The following SYN3 variants were observed in gnomAD, a reference collection of about 807,000 sequenced individuals.
The protein encoded by SYN3 is synapsin III.
Under a neutral mutation model 65.8 loss-of-function variants are expected in SYN3, and 35 were observed. That is an observed-to-expected ratio of 0.53 (90% CI 0.41 to 0.70). The LOEUF (loss-of-function observed/expected upper bound fraction) is 0.70, where lower values mean the gene tolerates loss of function less well. Among genes scored for constraint, SYN3 ranks in the 30% least tolerant of loss-of-function variants. The pLI is 0.00. For synonymous variants in SYN3, 270 were observed against 292.9 expected (o/e 0.92, Z 0.80); for missense variants, 680 against 749.0 (o/e 0.91, Z 1.08).
intron 6 of SYN3, among the ~76,000 whole-genome samples, chr22:32,652,394 GA>G (rs1158520493): frequency 3.4e-4 from 49 of 143,326 alleles, no homozygotes; most frequent in Non-Finnish European, 6.1e-4. Context: ...TTTTTTTTTG[GA>G]AAAAAAAAAG....
At chr22:32,559,393 A>G (rs1182705391) in intron 7 of SYN3, among the ~76,000 whole-genome samples, 1 of 152,220 alleles carries the variant, frequency 6.6e-6, no homozygotes, top group African/African-American at 2.4e-5. Flanking sequence ...TCAGGCAGAC[A>G]TGAGGAGGGC....
intron 6 of SYN3, among the ~76,000 whole-genome samples, chr22:32,856,166 C>G (rs1396573246): frequency 6.6e-6 from 1 of 152,162 alleles, no homozygotes; most frequent in Non-Finnish European, 1.5e-5. Flanking sequence ...ACAGAGATAT[C>G]ATGAGAATGC....
At chr22:32,678,545 T>C (rs903535720) in intron 6 of SYN3, among the ~76,000 whole-genome samples, 48 of 151,626 alleles carry the variant, frequency 3.2e-4, no homozygotes, top group Non-Finnish European at 7.4e-5. Context: ...CTCCTCCTCC[T>C]CCTCCTTCAT....
At chr22:32,604,869 G>T (rs1448297170) in intron 6 of SYN3, among the ~76,000 whole-genome samples, 1 of 151,976 alleles carries the variant, frequency 6.6e-6, no homozygotes, top group East Asian at 1.9e-4. Context: ...AGCCGGGCGT[G>T]GTGGCGGGTG....
intron 6 of SYN3, among the ~76,000 whole-genome samples, chr22:32,795,772 T>C (rs2046414995): frequency 6.6e-6 from 1 of 152,030 alleles, no homozygotes; most frequent in Non-Finnish European, 1.5e-5. Context: ...GAAAGCAGAA[T>C]CCCAGAGAGA....
At chr22:33,048,292 A>G (rs5754395) in intron 1 of SYN3, among the ~76,000 whole-genome samples, 131,463 of 152,174 alleles carry the variant, frequency 0.86, 57,183 homozygotes, top group African/African-American at 0.96. Flanking sequence ...ACGTGATATA[A>G]TTTGGATGTT....
chr22:33,001,676 T>C (rs1418323994), intron 2 of SYN3, among the ~76,000 whole-genome samples: 1 of 152,234 alleles, frequency 6.6e-6, no homozygotes, highest in African/African-American at 2.4e-5. Flanking sequence ...ACTTACTGTC[T>C]ACCAGGCACA....
chr22:32,566,567 G>A (rs1047681287), intron 7 of SYN3, among the ~76,000 whole-genome samples: 10 of 152,170 alleles, frequency 6.6e-5, no homozygotes, highest in African/African-American at 9.7e-5. Flanking sequence ...GACACAACCC[G>A]GAGGAGAGCA....
intron 6 of SYN3, among the ~76,000 whole-genome samples, chr22:32,756,873 T>C (rs1246728275): frequency 2.6e-5 from 4 of 152,182 alleles, no homozygotes; most frequent in Non-Finnish European, 5.9e-5. Flanking sequence ...TATTTCTTTA[T>C]AGCAATGAAA....
In SYN3 at chr22:32,807,395, A is replaced by T. The variant is rs1343739136; in HGVS notation, c.711+57520T>A. ...TTATATATAATATATATTATATATA[A>T]TATATATATATTATATTTACATATA... is the stretch of plus-strand genomic sequence containing the variant. On this transcript the variant is annotated intron_variant, in intron 6 of 13. Transcript: ENST00000358763. Among the ~76,000 whole-genome samples, 7 of 100,148 alleles carry T rather than the reference A, an allele frequency of 7.0e-5. No homozygotes were observed. The South Asian group carries it at 1.2e-3, about 18-fold the overall frequency. The allele number at this position is 100,148 out of a possible 152,430, so 65.7% of individuals were successfully genotyped here.
intron 6 of SYN3, among the ~76,000 whole-genome samples, chr22:32,831,847 AC>A (rs932818932): frequency 1.2e-4 from 18 of 151,050 alleles, no homozygotes; most frequent in Admixed American, 5.3e-4. Context: ...ATGTCACTGC[AC>A]CCCCCCCAAC....
intron 6 of SYN3, among the ~76,000 whole-genome samples, chr22:32,761,959 G>C (rs1004124954): frequency 6.6e-6 from 1 of 152,176 alleles, no homozygotes. Flanking sequence ...GAATGACTCA[G>C]ATGCTGGAGT....
chr22:32,953,596 A>G (rs1216977578), intron 3 of SYN3, among the ~76,000 whole-genome samples: 1 of 152,080 alleles, frequency 6.6e-6, no homozygotes, highest in African/African-American at 2.4e-5. Flanking sequence ...GAGTATATAT[A>G]CAGAATTCAA....
chr22:32,553,665 A>G (rs1431636034), intron 7 of SYN3, among the ~76,000 whole-genome samples: 2 of 152,128 alleles, frequency 1.3e-5, no homozygotes, highest in African/African-American at 4.8e-5. Context: ...AGTTTTTTGA[A>G]ATGGTGGTTT....
At chr22:33,017,455 C>T (rs1015033732) in intron 1 of SYN3, among the ~76,000 whole-genome samples, 1 of 152,146 alleles carries the variant, frequency 6.6e-6, no homozygotes, top group Non-Finnish European at 1.5e-5. Context: ...ATTGAATCTG[C>T]AGATCATTTT....
chr22:33,006,650 G>T lies in SYN3; in HGVS notation c.13C>A (p.Arg5=). 1 of 1,578,152 alleles carries T rather than the reference G, an allele frequency of 6.3e-7. No homozygotes were observed. The highest frequency in any genetic ancestry group is 1.3e-5 in the African/African-American group (1 of 74,336). The change falls in exon 2 of 14, where the codon CGG becomes AGG. Residue 5 remains arginine (R), a synonymous_variant. Coordinates refer to ENST00000358763, the MANE Select transcript of SYN3 (RefSeq NM_003490.4). ...AAGCTGCTGTCAGAGAGACGTCGCC[G>T]GAGGAAATTCATGGCTGTGGATGGA... MNFL[R]RRLSDSSFMA...
chr22:32,824,447 G>A (rs184434577), intron 6 of SYN3, among the ~76,000 whole-genome samples: 64 of 151,944 alleles, frequency 4.2e-4, no homozygotes, highest in Middle Eastern at 3.4e-3. Flanking sequence ...TTTAAACCCC[G>A]TAGTCATATA....
chr22:32,612,622 G>A (rs918080766), intron 6 of SYN3, among the ~76,000 whole-genome samples: 2 of 152,084 alleles, frequency 1.3e-5, no homozygotes, highest in Non-Finnish European at 2.9e-5. Flanking sequence ...CAGGAGGATC[G>A]CTTAAGGCCA....
Position 33,006,557 on chromosome 22 carries a change from C to G in SYN3, c.106G>C (p.Ala36Pro), listed in dbSNP as rs751845929. The G allele has an allele frequency of 5.6e-6, 9 of 1,614,162 alleles. No homozygotes were observed. In the Admixed American group the frequency reaches 1.2e-4, roughly 21 times the overall value. ...QRPDSSTSSP[A>P]SPAMERRHPQ... is the part of the protein sequence containing the mutation. ...TGCCTCCTCTCCATGGCGGGGGAAGCAGGTGAGCTGGTGGAGCTATCTGGG... is the reference window on the plus strand; with the variant it reads ...TGCCTCCTCTCCATGGCGGGGGAAGGAGGTGAGCTGGTGGAGCTATCTGGG... The change falls in exon 2 of 14, where the codon GCT (alanine) becomes CCT (proline). Residue 36 changes from alanine (A) to proline (P), a missense_variant. By Grantham distance (27) the Ala-to-Pro change is conservative. Coordinates refer to ENST00000358763, the MANE Select transcript of SYN3 (RefSeq NM_003490.4).
Sources: allele counts gnomAD v4.1 joint callset (sites outside exome capture counted in the v4.1 genomes callset), GRCh38; gene constraint gnomAD v4.1.1; transcripts MANE v1.5; gene names NCBI Gene and HGNC (gene_info 2026-07-23, HGNC 2026-07-21).